The following ASXL1 variants were observed in gnomAD, a reference collection of about 807,000 sequenced individuals.
The protein encoded by ASXL1 is ASXL transcriptional regulator 1, also known as polycomb group protein ASXL1.
Under a neutral mutation model 89.1 loss-of-function variants are expected in ASXL1, and 65 were observed. That is an observed-to-expected ratio of 0.73 (90% CI 0.60 to 0.90). The LOEUF is 0.90. Ranked by LOEUF, ASXL1 falls within the 40% of genes least tolerant of loss-of-function variation. The probability of loss-of-function intolerance (pLI) is 0.00; values close to 1 mark genes in which losing one functional copy is unlikely to be tolerated. For missense variants in ASXL1, 1,786 were observed against 1,942.9 expected (o/e 0.92, Z 1.52); for synonymous variants, 739 against 746.9 (o/e 0.99, Z 0.17).
At chr20:32,405,494 T>C (rs1156596956) in intron 4 of ASXL1, among the ~76,000 whole-genome samples, 1 of 152,210 alleles carries the variant, frequency 6.6e-6, no homozygotes, top group Non-Finnish European at 1.5e-5. Flanking sequence ...ACTGAGTCAT[T>C]ATTACCATCT....
intron 4 of ASXL1, among the ~76,000 whole-genome samples, chr20:32,397,458 G>A (rs1600521613): frequency 7.9e-6 from 1 of 126,748 alleles, no homozygotes; most frequent in Non-Finnish European, 1.7e-5. Flanking sequence ...GGAGTGCAGT[G>A]GCATGATCTC....
At chr20:32,430,286 C>T in intron 8 of ASXL1, 1 of 586,544 alleles carries the variant, frequency 1.7e-6, no homozygotes, top group Non-Finnish European at 2.9e-6. Context: ...TCGTATGTCC[C>T]TGTAGGCCTA....
In ASXL1 at chr20:32,435,772, AG is replaced by A; in HGVS notation, c.3061del (p.Ala1021LeufsTer3). 1 of 1,614,210 alleles carries A rather than the reference AG, an allele frequency of 6.2e-7. No homozygotes were observed. The highest frequency in any genetic ancestry group is 8.5e-7 in the Non-Finnish European group (1 of 1,180,040). ...ACAGCAGTGAGGCTGACACTAGAGA[AG>A]CTGCAGTGACAAAGGGATCTTCGGT... ...EDSSEADTRE[A>X]AVTKGSSVDK... On this transcript the variant is annotated frameshift_variant, in exon 13 of 13. Coordinates refer to ENST00000375687, the MANE Select transcript of ASXL1 (RefSeq NM_015338.6). LOFTEE classifies it low-confidence loss of function (END_TRUNC).
At chr20:32,359,165 G>A in intron 1 of ASXL1, 1 of 674,276 alleles carries the variant, frequency 1.5e-6, no homozygotes, top group Non-Finnish European at 2.7e-6. Flanking sequence ...CTGGGGGTCT[G>A]GGGCAGCTTC....
chr20:32,395,136 C>T (rs367809308), intron 4 of ASXL1, among the ~76,000 whole-genome samples: 3 of 152,186 alleles, frequency 2.0e-5, no homozygotes, highest in Non-Finnish European at 2.9e-5. Context: ...AGTTTTTTCT[C>T]GTCAGTTCAG....
intron 4 of ASXL1, among the ~76,000 whole-genome samples, chr20:32,390,217 T>G (rs2048647762): frequency 6.6e-6 from 1 of 152,212 alleles, no homozygotes; most frequent in South Asian, 2.1e-4. Context: ...GTTGAATATC[T>G]TATATAATTT....
In ASXL1 at chr20:32,434,640, G is replaced by C. The variant is rs201649676; in HGVS notation, c.1928G>C (p.Gly643Ala). The part of the protein sequence containing the change: ...HREAATTAIG[G>A]GGGPGGGGGG... ...GAGGCGGCCACCACTGCCATCGGAG[G>C]GGGGGGTGGCCCGGGTGGAGGTGGC... is the stretch of plus-strand genomic sequence containing the variant. The change falls in exon 13 of 13, where the codon GGG (glycine) becomes GCG (alanine). Residue 643 changes from glycine (G) to alanine (A), a missense_variant. Around this residue, in one of 3 missense-constraint regions of ASXL1, gnomAD observed 1,418 missense variants for 1,427.8 expected, o/e 0.99. Coordinates refer to ENST00000375687, the MANE Select transcript of ASXL1 (RefSeq NM_015338.6). 1.0e-5 allele frequency: 16 copies of C among 1,607,548 alleles called. No individual in the cohort carries two copies. The highest frequency in any genetic ancestry group is 1.7e-5 in the Admixed American group (1 of 59,426).
intron 2 of ASXL1, among the ~76,000 whole-genome samples, chr20:32,366,731 T>A (rs529246284): frequency 2.6e-4 from 39 of 152,310 alleles, no homozygotes; most frequent in South Asian, 1.9e-3. Flanking sequence ...TTGTTTTTTG[T>A]GTAAGGAGTC....
intron 1 of ASXL1, chr20:32,359,475 G>C (rs900773717): frequency 4.7e-5 from 32 of 684,534 alleles, no homozygotes; most frequent in Non-Finnish European, 6.4e-5. Context: ...CTGAGCCTCA[G>C]GGTCTGGGAT....
At chr20:32,409,350 G>C (rs1393870608) in intron 4 of ASXL1, among the ~76,000 whole-genome samples, 1 of 152,126 alleles carries the variant, frequency 6.6e-6, no homozygotes, top group African/African-American at 2.4e-5. Context: ...TGCCCTAGCA[G>C]GTATATAGCT....
In ASXL1 at chr20:32,429,752, T is replaced by C. The variant is rs1404073107; in HGVS notation, c.566-149T>C. The C allele has an allele frequency of 1.8e-6, 2 of 1,111,126 alleles. No homozygotes were observed. The highest frequency in any genetic ancestry group is 2.6e-6 in the Non-Finnish European group (2 of 780,636). 68.8% of individuals were successfully genotyped at this position (1,111,126 alleles called of 1,614,324 possible). A position where few individuals can be genotyped will look rare whatever the true frequency, so the allele number is the denominator to read the frequency against. On this transcript the variant is annotated intron_variant, in intron 7 of 12. Transcript: ENST00000375687. This position sits in a 1 kb window ranked among gnomAD's most constrained non-coding sequence, Gnocchi z 4.9. ...GATATTTTAAAGCCAGACCATGAAG[T>C]GGTGGTTTCTCTCAGCCTAAGGCTG... is the stretch of plus-strand genomic sequence containing the variant.
chr20:32,375,659 G>A (rs955479511), intron 4 of ASXL1, among the ~76,000 whole-genome samples: 1 of 151,116 alleles, frequency 6.6e-6, no homozygotes, highest in Non-Finnish European at 1.5e-5. Flanking sequence ...TTGTATAGAA[G>A]TAAGTAGTTT....
Position 32,399,745 on chromosome 20 carries a change from C to CT in ASXL1, c.253-28382dup, listed in dbSNP as rs1600525633. 9.0e-5 allele frequency among the ~76,000 whole-genome samples: 6 copies of CT among 66,608 alleles called. 1 individual carries two copies. The highest frequency in any genetic ancestry group is 1.5e-4 in the Non-Finnish European group (5 of 33,822). The allele number at this position is 66,608 out of a possible 152,430, so 43.7% of individuals were successfully genotyped here. ...ATTTTTAAAAATCTCACATATTTTA[C>CT]TCTTTTTTTTTTTTTTTTTTTTTTT... On this transcript the variant is annotated intron_variant, in intron 4 of 12. Coordinates refer to ENST00000375687, the MANE Select transcript of ASXL1 (RefSeq NM_015338.6).
chr20:32,369,718 C>CTTTTTTTT lies in ASXL1; in HGVS notation c.252+611_252+618dup, dbSNP rs386393629. Among the ~76,000 whole-genome samples, 53 of 94,618 alleles carry CTTTTTTTT rather than the reference C, an allele frequency of 5.6e-4. 2 individuals carry two copies. The highest frequency in any genetic ancestry group is 9.6e-3 in the Middle Eastern group (1 of 104). 62.1% of individuals were successfully genotyped at this position (94,618 alleles called of 152,430 possible). A position where few individuals can be genotyped will look rare whatever the true frequency, so the allele number is the denominator to read the frequency against. ...ACTATGGGGATAATTGCAGATGTGC[C>CTTTTTTTT]TTTTTTTTTTTTTTTTTTTTTTTAT... On this transcript the variant is annotated intron_variant, in intron 4 of 12. Coordinates refer to ENST00000375687, the MANE Select transcript of ASXL1 (RefSeq NM_015338.6).
chr20:32,371,837 C>T (rs1477891656), intron 4 of ASXL1: 3 of 441,130 alleles, frequency 6.8e-6, no homozygotes, highest in Non-Finnish European at 1.4e-5. Context: ...AAGTGATCTT[C>T]CCACCACAGC....
Position 32,429,283 on chromosome 20 carries a change from C to G in ASXL1, c.472-55C>G. 6.4e-7 allele frequency: 1 copy of G among 1,551,738 alleles called. No individual in the cohort carries two copies. The highest frequency in any genetic ancestry group is 8.9e-7 in the Non-Finnish European group (1 of 1,128,018). ...GTAGAGATAGTGTCGCCAGGGAATGCTTTTGTGGCTCTGCAGTTGACTTGG... is the reference window on the plus strand; with the variant it reads ...GTAGAGATAGTGTCGCCAGGGAATGGTTTTGTGGCTCTGCAGTTGACTTGG... On this transcript the variant is annotated intron_variant, in intron 6 of 12. Coordinates refer to ENST00000375687, the MANE Select transcript of ASXL1 (RefSeq NM_015338.6). The surrounding 1 kb of genome is among the most constrained non-coding windows in gnomAD (Gnocchi z 4.9).
rs1391303880 is a variant in ASXL1, at chr20:32,434,655, G to A, written c.1943G>A (p.Gly648Asp). The change falls in exon 13 of 13, where the codon GGT (glycine) becomes GAT (aspartate). Residue 648 changes from glycine to aspartate, a missense_variant. Gly to Asp is a moderately conservative substitution (Grantham distance 94). Transcript: ENST00000375687. ...TTAIGGGGGP[G>D]GGGGGATDEG... ...GCCATCGGAGGGGGGGGTGGCCCGGGTGGAGGTGGCGGCGGGGCCACCGAT... is the reference window on the plus strand; with the variant it reads ...GCCATCGGAGGGGGGGGTGGCCCGGATGGAGGTGGCGGCGGGGCCACCGAT... 5.6e-6 allele frequency: 9 copies of A among 1,605,508 alleles called. No homozygotes were observed. Among genetic ancestry groups the A allele is most frequent in the Non-Finnish European group, 6.0e-6 (7 of 1,175,796 alleles).
chr20:32,368,100 T>C (rs1482512034), intron 3 of ASXL1, among the ~76,000 whole-genome samples: 1 of 152,226 alleles, frequency 6.6e-6, no homozygotes, highest in Non-Finnish European at 1.5e-5. Flanking sequence ...CTTCTAGTTC[T>C]GAAAAATGCA....
At chr20:32,408,506 G>T (rs1159818612) in intron 4 of ASXL1, among the ~76,000 whole-genome samples, 3 of 152,244 alleles carry the variant, frequency 2.0e-5, no homozygotes, top group Non-Finnish European at 4.4e-5. Context: ...AATCCTCTGT[G>T]TTCTTCCTTC....
Sources: allele counts gnomAD v4.1 joint callset (sites outside exome capture counted in the v4.1 genomes callset), GRCh38; gene constraint gnomAD v4.1.1; regional missense constraint gnomAD v4.1.1; non-coding constraint Gnocchi (gnomAD v3.1); transcripts MANE v1.5; gene names NCBI Gene and HGNC (gene_info 2026-07-23, HGNC 2026-07-21).